Variants in KIFBP observed in about 807,000 individuals in gnomAD.
KIFBP encodes kinesin family binding protein.
Under a neutral mutation model 58.9 loss-of-function variants are expected in KIFBP, and 46 were observed. The ratio of observed to expected loss-of-function variants is 0.78; its 90% confidence interval spans 0.62 to 1.00. The LOEUF (loss-of-function observed/expected upper bound fraction) is 1.00. KIFBP is among the 50% of genes least tolerant of loss of function. The pLI, the probability that KIFBP is intolerant of heterozygous loss-of-function variation, is 0.00. For synonymous variants in KIFBP, 241 were observed against 283.4 expected, an observed-to-expected ratio of 0.85 and a Z score of 1.50; for missense variants, 651 against 752.9, an observed-to-expected ratio of 0.86 and a Z score of 1.58.
Position 68,989,146 on chromosome 10 carries a change from A to G in KIFBP, c.314A>G (p.His105Arg), listed in dbSNP as rs1219404864. The G allele has an allele frequency of 1.2e-6, 2 of 1,612,850 alleles. No individual in the cohort carries two copies. Among genetic ancestry groups the G allele is most frequent in the African/African-American group, 2.7e-5 (2 of 74,950 alleles). ...ATCGAGTTCCACCTCGGGGTGAACC[A>G]CATCGACACGGAGGAGCTGTCGGCG... ...AVIEFHLGVN[H>R]IDTEELSAGE... is the part of the protein sequence containing the mutation. Residue 105 changes from histidine to arginine, a missense_variant, in exon 1 of 7, where the codon CAC becomes CGC. His to Arg is a conservative substitution (Grantham distance 29, BLOSUM62 0). Transcript: ENST00000361983.
chr10:68,997,997 C>T (rs1438227385), intron 1 of KIFBP, among the ~76,000 whole-genome samples: 1 of 152,064 alleles, frequency 6.6e-6, no homozygotes, highest in Non-Finnish European at 1.5e-5. Flanking sequence ...GAGGCCTCCC[C>T]AGCCATACCT....
chr10:69,011,854 C>T (rs1843597886), intron 6 of KIFBP, among the ~76,000 whole-genome samples: 1 of 151,218 alleles, frequency 6.6e-6, no homozygotes. Flanking sequence ...CCATGCCTGG[C>T]TAATTTTTGT....
chr10:68,990,661 T>C (rs1843333033), intron 1 of KIFBP, among the ~76,000 whole-genome samples: 1 of 152,042 alleles, frequency 6.6e-6, no homozygotes, highest in South Asian at 2.1e-4. Flanking sequence ...CAGGTGAACA[T>C]GGATGTTTAT....
Position 69,015,832 on chromosome 10 carries a change from G to A in KIFBP, c.1282G>A (p.Ala428Thr). The change falls in exon 7 of 7, where the codon GCT becomes ACT. Residue 428 changes from alanine (A) to threonine (T), a missense_variant. Transcript: ENST00000361983. ...TATTGAAGTTGTCCAAGACCACAGT[G>A]CTCTGTTTAAGGTGCTTGCATTCTT... ...DHIEVVQDHS[A>T]LFKVLAFFET... 1 of 1,614,186 alleles carries A rather than the reference G, an allele frequency of 6.2e-7. No homozygotes were observed. The highest frequency in any genetic ancestry group is 8.5e-7 in the Non-Finnish European group (1 of 1,180,046).
At chr10:68,992,803 G>C (rs963950386) in intron 1 of KIFBP, among the ~76,000 whole-genome samples, 1 of 152,026 alleles carries the variant, frequency 6.6e-6, no homozygotes, top group African/African-American at 2.4e-5. Flanking sequence ...GTCTCTTTTT[G>C]TTTTGTTTTC....
chr10:69,005,985 T>A, intron 4 of KIFBP, 70 bp downstream of exon 4: 1 of 1,348,568 alleles, frequency 7.4e-7, no homozygotes, highest in East Asian at 2.4e-5. Context: ...AGTAGTACCT[T>A]GAAAATACTA....
Position 69,010,998 on chromosome 10 carries a change from G to A in KIFBP, c.973G>A (p.Ala325Thr), listed in dbSNP as rs769013695. ...ATACTGTTTGACTCTCATGCAGAAT[G>A]CCCAACTCTCCATGCAGGTAATGCA... Reference protein sequence around the residue: ...IKYCLTLMQNAQLSMQDNIGE... With the variant: ...IKYCLTLMQNTQLSMQDNIGE... The change falls in exon 6 of 7, where the codon GCC (alanine) becomes ACC (threonine). Residue 325 changes from alanine (A) to threonine (T), a missense_variant. By Grantham distance (58) the Ala-to-Thr change is moderately conservative. Transcript: ENST00000361983. 28 of 1,612,970 alleles carry A rather than the reference G, an allele frequency of 1.7e-5. No individual in the cohort carries two copies. The highest frequency in any genetic ancestry group is 2.7e-5 in the African/African-American group (2 of 74,902).
intron 1 of KIFBP, among the ~76,000 whole-genome samples, chr10:68,998,771 A>ATATATATATATATT (rs1357079794): frequency 1.0e-5 from 1 of 99,856 alleles, no homozygotes; most frequent in Admixed American, 1.2e-4. Flanking sequence ...ATATATATAT[A>ATATATATATATATT]TTTTTTTTTT....
intron 1 of KIFBP, among the ~76,000 whole-genome samples, chr10:68,990,916 T>C (rs1203278588): frequency 6.6e-6 from 1 of 152,076 alleles, no homozygotes. Flanking sequence ...AATAATAATT[T>C]ATATTAACAA....
In KIFBP at chr10:68,999,454, AT is replaced by A. The variant is rs762754966; in HGVS notation, c.427-968del. On this transcript the variant is annotated intron_variant, in intron 1 of 6. Coordinates refer to ENST00000361983, the MANE Select transcript of KIFBP (RefSeq NM_015634.4). Reference sequence around the variant, plus strand: ...TGGAAGAGCATAGTATTTTGAAAGTATTATATGTTTCTGATCCATCTTTGTC... The same window carrying A: ...TGGAAGAGCATAGTATTTTGAAAGTATATATGTTTCTGATCCATCTTTGTC... Among the ~76,000 whole-genome samples, 19 of 151,416 alleles carry A rather than the reference AT, an allele frequency of 1.3e-4. 1 individual carries two copies. The highest frequency in any genetic ancestry group is 2.2e-4 in the Non-Finnish European group (15 of 67,922).
In KIFBP at chr10:69,005,032, TTTC is replaced by T. The variant is rs751800788; in HGVS notation, c.526-11_526-9del. 18 of 1,605,300 alleles carry T rather than the reference TTTC, an allele frequency of 1.1e-5. No individual in the cohort carries two copies. The highest frequency in any genetic ancestry group is 1.7e-5 in the Admixed American group (1 of 59,984). On this transcript the variant is annotated splice_polypyrimidine_tract_variant and intron_variant, in intron 2 of 6. Coordinates refer to ENST00000361983, the MANE Select transcript of KIFBP (RefSeq NM_015634.4). ...TTTAAAACTTTAAAGAGCTTTTGTT[TTTC>T]TTAATTGTAGGTTGGGAGTCCTCCT...
At chr10:69,011,395 CTTT>C (rs10700812) in intron 6 of KIFBP, 36 of 130,016 alleles carry the variant, frequency 2.8e-4, no homozygotes, top group Admixed American at 5.3e-4. Context: ...ATATCATATT[CTTT>C]TTTTTTTTTT....
chr10:69,015,255 A>G (rs1275783137), intron 6 of KIFBP: 9 of 357,490 alleles, frequency 2.5e-5, no homozygotes, highest in Non-Finnish European at 2.6e-5. Flanking sequence ...TGTAGCATTT[A>G]TCTTATTGGA....
At chr10:68,998,771 A>ATATATATAT (rs1357079794) in intron 1 of KIFBP, among the ~76,000 whole-genome samples, 194 of 99,862 alleles carry the variant, frequency 1.9e-3, no homozygotes, top group Middle Eastern at 5.1e-3. Flanking sequence ...ATATATATAT[A>ATATATATAT]TTTTTTTTTT....
At chr10:68,993,354 A>G (rs563674306) in intron 1 of KIFBP, among the ~76,000 whole-genome samples, 174 of 151,914 alleles carry the variant, frequency 1.1e-3, no homozygotes, top group Non-Finnish European at 1.9e-3. Context: ...TCTCTTTTCT[A>G]CTGACCTTGC....
intron 1 of KIFBP, among the ~76,000 whole-genome samples, chr10:68,992,884 G>A (rs572408343): frequency 1.3e-5 from 2 of 152,250 alleles, no homozygotes; most frequent in South Asian, 4.1e-4. Flanking sequence ...ATTGCTAGTG[G>A]ATTTGATTCC....
intron 4 of KIFBP, among the ~76,000 whole-genome samples, chr10:69,008,391 A>AAAAAAAAAAATATATATATATAT: frequency 1.4e-5 from 1 of 71,612 alleles, no homozygotes; most frequent in African/African-American, 7.8e-5. Context: ...AAAAAAAAAA[A>AAAAAAAAAAATATATATATATAT]ATATATATAT....
intron 1 of KIFBP, among the ~76,000 whole-genome samples, chr10:68,997,975 T>G (rs895575373): frequency 2.0e-5 from 3 of 151,904 alleles, no homozygotes; most frequent in African/African-American, 7.3e-5. Context: ...AAACCATGAT[T>G]GTAAGTTTCC....
rs986393623 is a variant in KIFBP, at chr10:68,989,203, T to G, written c.371T>G (p.Leu124Arg). ...GAGCACCTGGTGAAATGCCTGCGGC[T>G]GCTGCGCAGGTACCGGCTCTCGCAC... is the stretch of plus-strand genomic sequence containing the variant. ...GEEHLVKCLR[L>R]LRRYRLSHDC... Residue 124 changes from leucine (L) to arginine (R), a missense_variant, in exon 1 of 7, where the codon CTG becomes CGG. Coordinates refer to ENST00000361983, the MANE Select transcript of KIFBP (RefSeq NM_015634.4). The G allele has an allele frequency of 3.1e-6, 5 of 1,613,598 alleles. No individual in the cohort carries two copies. In the African/African-American group the frequency reaches 6.7e-5, roughly 22 times the overall value.
Sources: allele counts gnomAD v4.1 joint callset (sites outside exome capture counted in the v4.1 genomes callset), GRCh38; gene constraint gnomAD v4.1.1; transcripts MANE v1.5; gene names NCBI Gene and HGNC (gene_info 2026-07-23, HGNC 2026-07-21).